The following CCDC83 variants were observed in gnomAD, a reference collection of about 807,000 sequenced individuals.
CCDC83 encodes the protein coiled-coil domain containing 83, also known as coiled-coil domain-containing protein 83.
Under a neutral mutation model 50.1 loss-of-function variants are expected in CCDC83, and 54 were observed. The observed-to-expected ratio is 1.08, with a 90% CI of 0.87 to 1.35. The LOEUF (loss-of-function observed/expected upper bound fraction) is 1.35. Among genes scored for constraint, CCDC83 ranks in the 40% most tolerant of loss-of-function variants. The pLI is 0.00. For missense variants in CCDC83, 518 were observed against 473.9 expected, an observed-to-expected ratio of 1.09 and a Z score of -0.86; for synonymous variants, 161 against 153.3, an observed-to-expected ratio of 1.05 and a Z score of -0.37.
chr11:85,915,959 T>G, intron 9 of CCDC83, 69 bp from the exon 10 acceptor site: 1 of 1,029,340 alleles, frequency 9.7e-7, no homozygotes, highest in South Asian at 1.4e-5. Context: ...TGTGACAAAG[T>G]ATGTATTGCA....
At chr11:85,917,164 G>GAAAAAA (rs57311708) in intron 10 of CCDC83, among the ~76,000 whole-genome samples, 1 of 76,530 alleles carries the variant, frequency 1.3e-5, no homozygotes, top group South Asian at 4.3e-4. Context: ...GAGAGAGAGA[G>GAAAAAA]AGAGAAAGAA....
chr11:85,884,981 C>T (rs931797663), intron 4 of CCDC83, among the ~76,000 whole-genome samples: 6 of 152,126 alleles, frequency 3.9e-5, no homozygotes, highest in African/African-American at 1.2e-4. Flanking sequence ...GATGCCAAGG[C>T]GGGCAGATTG....
At chr11:85,895,934 C>T (rs1173879927) in intron 6 of CCDC83, among the ~76,000 whole-genome samples, 1 of 152,216 alleles carries the variant, frequency 6.6e-6, no homozygotes. Flanking sequence ...TCACGTCAGC[C>T]TCCTGAGTAG....
rs76025081 is a variant in CCDC83, at chr11:85,900,484, C to A, written c.672+1469C>A. Among the ~76,000 whole-genome samples the A allele has an allele frequency of 4.9e-4, 74 of 152,272 alleles. No individual in the cohort carries two copies. The East Asian group carries it at 0.013, about 26-fold the overall frequency. On this transcript the variant is annotated intron_variant, in intron 7 of 10. Transcript: ENST00000342404. The stretch of plus-strand genomic sequence containing the variant: ...GGGATTTGCCAGTTCACACCACCTG[C>A]CATACCACATACAGTCTCCAGTCCA...
chr11:85,899,319 GGGCA>G (rs916964897), intron 7 of CCDC83, among the ~76,000 whole-genome samples: 1 of 152,132 alleles, frequency 6.6e-6, no homozygotes, highest in Admixed American at 6.5e-5. Context: ...CTGGGTGATG[GGGCA>G]AGTCTAAAGG....
At chr11:85,867,560 A>G (rs1233594935) in intron 2 of CCDC83, among the ~76,000 whole-genome samples, 1 of 152,218 alleles carries the variant, frequency 6.6e-6, no homozygotes, top group East Asian at 1.9e-4. Context: ...ACATTAACTA[A>G]TAACTAGATA....
intron 1 of CCDC83, among the ~76,000 whole-genome samples, chr11:85,857,140 T>C (rs1242839654): frequency 6.6e-6 from 1 of 152,198 alleles, no homozygotes; most frequent in Non-Finnish European, 1.5e-5. Context: ...CTTCTGGGGA[T>C]GCAAAGCCCT....
intron 2 of CCDC83, 46 bp downstream of exon 2, chr11:85,865,264 AGTCATTGTTAAG>A: frequency 8.6e-7 from 1 of 1,166,766 alleles, no homozygotes; most frequent in Non-Finnish European, 1.3e-6. Context: ...GATAAAAGGC[AGTCATTGTTAAG>A]ACTCATATAA....
At chr11:85,886,173 A>T in intron 4 of CCDC83, 27 bp from the exon 5 acceptor site, 2 of 1,499,156 alleles carry the variant, frequency 1.3e-6, no homozygotes, top group Non-Finnish European at 1.8e-6. Context: ...GAAAACAGAA[A>T]TGACACAGTG....
intron 7 of CCDC83, among the ~76,000 whole-genome samples, chr11:85,904,418 C>A (rs577129497): frequency 2.0e-5 from 3 of 152,164 alleles, no homozygotes. Context: ...GACAGCAGTA[C>A]CTTAAGCTTA....
At chr11:85,882,430 G>T (rs1045833307) in intron 3 of CCDC83, 83 bp from the exon 4 acceptor site, 46 of 1,376,768 alleles carry the variant, frequency 3.3e-5, no homozygotes, top group Non-Finnish European at 4.3e-5. Context: ...ATACCCAAAG[G>T]CCGGGAACTT....
intron 2 of CCDC83, among the ~76,000 whole-genome samples, chr11:85,869,015 C>G (rs2093222907): frequency 6.6e-6 from 1 of 152,162 alleles, no homozygotes; most frequent in Admixed American, 6.5e-5. Flanking sequence ...GTTGTCGGAT[C>G]TTGTCTGAAA....
chr11:85,916,184 G>T lies in CCDC83; in HGVS notation c.1031G>T (p.Gly344Val). 6.2e-7 allele frequency: 1 copy of T among 1,613,106 alleles called. No individual in the cohort carries two copies. The highest frequency in any genetic ancestry group is 8.5e-7 in the Non-Finnish European group (1 of 1,179,324). ...DKEENSGTEF[G>V]DTDMKYLLYE... is the part of the protein sequence containing the mutation. ...GAGGAAAACTCAGGCACAGAGTTTG[G>T]GGACACTGATATGAAGTACTTACTA... Residue 344 changes from glycine to valine, a missense_variant, in exon 10 of 11, where the codon GGG (glycine) becomes GTG (valine). Transcript: ENST00000342404.
Position 85,898,946 on chromosome 11 carries a change from G to A in CCDC83, c.604-1G>A. 6.2e-7 allele frequency: 1 copy of A among 1,607,784 alleles called. No individual in the cohort carries two copies. The highest frequency in any genetic ancestry group is 2.2e-5 in the East Asian group (1 of 44,742). On this transcript the variant is annotated splice_acceptor_variant, in intron 6 of 10. Transcript: ENST00000342404. LOFTEE classifies it high-confidence loss of function. ...TCCTTAATCCAGAAACTTTCTTTTA[G>A]AATGCTGTAAAGCTCATTGACAAGG...
chr11:85,917,186 A>AAG (rs2093483954), intron 10 of CCDC83, among the ~76,000 whole-genome samples: 4 of 112,886 alleles, frequency 3.5e-5, no homozygotes, highest in South Asian at 2.6e-4. Flanking sequence ...GAAAGAAAGA[A>AAG]AGAAAGAGAA....
chr11:85,913,828 A>T (rs1319442569), intron 8 of CCDC83, among the ~76,000 whole-genome samples: 1 of 152,210 alleles, frequency 6.6e-6, no homozygotes, highest in East Asian at 1.9e-4. Flanking sequence ...CAACACCTAC[A>T]AATCTAACAC....
intron 5 of CCDC83, among the ~76,000 whole-genome samples, chr11:85,891,368 T>C (rs1224739314): frequency 1.3e-5 from 2 of 152,200 alleles, no homozygotes; most frequent in Non-Finnish European, 2.9e-5. Context: ...TTAGAGCTGC[T>C]TCCCTGAACT....
intron 8 of CCDC83, 145 bp downstream of exon 8, chr11:85,911,547 G>T: frequency 1.6e-6 from 1 of 644,556 alleles, no homozygotes; most frequent in East Asian, 3.0e-5. Flanking sequence ...AATGCTCATG[G>T]TGAAGGTATA....
At chr11:85,882,713 C>A (rs12360932) in intron 4 of CCDC83, 38 bp downstream of exon 4, 81,262 of 1,569,702 alleles carry the variant, frequency 0.052, 2,744 homozygotes, top group Admixed American at 0.1. Context: ...TAGAGTTGTG[C>A]CAAGTTATTT....
Sources: allele counts gnomAD v4.1 joint callset (sites outside exome capture counted in the v4.1 genomes callset), GRCh38; gene constraint gnomAD v4.1.1; transcripts MANE v1.5; gene names NCBI Gene and HGNC (gene_info 2026-07-23, HGNC 2026-07-21).